DOCK11: variants seen among roughly 807,000 people sequenced by gnomAD.
The protein encoded by DOCK11 is dedicator of cytokinesis protein 11.
DOCK11 carries 70 observed loss-of-function variants against 169.1 expected under a neutral mutation model. The ratio of observed to expected loss-of-function variants is 0.41; its 90% CI spans 0.34 to 0.51. DOCK11 has a LOEUF of 0.51. DOCK11 is among the 20% of genes least tolerant of loss of function. The pLI, the probability that DOCK11 is intolerant of heterozygous loss-of-function variation, is 0.10. For missense variants in DOCK11, 1,166 were observed against 1,538.8 expected, an observed-to-expected ratio of 0.76 and a Z score of 4.05; for synonymous variants, 529 against 541.3, an observed-to-expected ratio of 0.98 and a Z score of 0.32.
intron 30 of DOCK11, among the ~76,000 whole-genome samples, chrX:118,618,191 A>G (rs1436275440): frequency 8.9e-6 from 1 of 112,030 alleles, no homozygotes. Context: ...TTGTGACAAA[A>G]TCTCTTCAGC....
At chrX:118,516,087 C>CTTTTTTTTTTTTTTTTTT (rs1300617761) in intron 1 of DOCK11, among the ~76,000 whole-genome samples, 1 of 63,731 alleles carries the variant, frequency 1.6e-5, no homozygotes, top group African/African-American at 7.1e-5. Flanking sequence ...CTTTTCTTTT[C>CTTTTTTTTTTTTTTTTTT]TTTTTCTTTT....
chrX:118,590,170 C>A (rs773942944), intron 18 of DOCK11, 40 bp from the exon 19 acceptor site: 5 of 1,104,849 alleles, frequency 4.5e-6, no homozygotes, highest in East Asian at 3.0e-5. Context: ...CATTTACAGA[C>A]CTGCATTTAG....
Position 118,673,390 on chromosome X carries a change from T to G in DOCK11, c.5199+2245T>G, listed in dbSNP as rs1252259352. Among the ~76,000 whole-genome samples the G allele has an allele frequency of 2.7e-5, 3 of 111,335 alleles. No individual in the cohort carries two copies. In the Admixed American group the frequency reaches 2.9e-4, roughly 11 times the overall value. On this transcript the variant is annotated intron_variant, in intron 46 of 52. Transcript: ENST00000276202. ...GGGAGACTGAGGTAGGAGGATTGCT[T>G]AAGTCCAGGAGATTGAGGCTTCAGT...
chrX:118,649,333 T>A (rs1317621147), intron 41 of DOCK11, among the ~76,000 whole-genome samples: 2 of 111,401 alleles, frequency 1.8e-5, no homozygotes, highest in African/African-American at 3.3e-5. Context: ...AGATCTCAAT[T>A]GTTTTATATT....
At chrX:118,544,827 AT>A (rs746896166) in intron 4 of DOCK11, among the ~76,000 whole-genome samples, 2,658 of 93,155 alleles carry the variant, frequency 0.029, 58 homozygotes, top group Admixed American at 0.071. Flanking sequence ...CCCCCAGTTA[AT>A]TTTTTTTTTT....
At chrX:118,527,506 C>T (rs2011404905) in intron 1 of DOCK11, among the ~76,000 whole-genome samples, 1 of 111,740 alleles carries the variant, frequency 8.9e-6, no homozygotes, top group Admixed American at 9.5e-5. Context: ...TTACTGGGAA[C>T]ACCGTAACTG....
At chrX:118,620,755 C>T (rs2014951607) in intron 31 of DOCK11, among the ~76,000 whole-genome samples, 1 of 112,359 alleles carries the variant, frequency 8.9e-6, no homozygotes, top group Non-Finnish European at 1.9e-5. Context: ...TCGCTGGGTT[C>T]TGGCTAACTA....
In DOCK11 at chrX:118,619,822, C is replaced by CTT. The variant is rs746842017; in HGVS notation, c.3471+1106_3471+1107dup. Among the ~76,000 whole-genome samples the CTT allele has an allele frequency of 2.7e-3, 272 of 100,135 alleles. 4 individuals carry two copies. The highest frequency in any genetic ancestry group is 0.02 in the Admixed American group (181 of 9,168). The allele number at this position is 100,135 out of a possible 115,157, so 87.0% of individuals were successfully genotyped here. On this transcript the variant is annotated intron_variant, in intron 31 of 52. Transcript: ENST00000276202. ...TTACTGCACTAATTTTGTTTTCTTTCTTTTTTTTTTTTTGAGATGGAGTCT... is the reference window on the plus strand; with the variant it reads ...TTACTGCACTAATTTTGTTTTCTTTCTTTTTTTTTTTTTTTGAGATGGAGTCT...
At chrX:118,548,602 T>G (rs745696494) in intron 6 of DOCK11, among the ~76,000 whole-genome samples, 12 of 110,936 alleles carry the variant, frequency 1.1e-4, no homozygotes, top group Admixed American at 5.8e-4. Context: ...GATGCTGTCT[T>G]GCTGGCTTTG....
chrX:118,582,411 G>A (rs1393910273), intron 14 of DOCK11, among the ~76,000 whole-genome samples: 2 of 111,592 alleles, frequency 1.8e-5, no homozygotes, highest in Admixed American at 9.6e-5. Context: ...GCTTGATGCC[G>A]TTTTACCAGT....
intron 6 of DOCK11, among the ~76,000 whole-genome samples, chrX:118,547,640 C>G (rs938336074): frequency 8.9e-6 from 1 of 112,158 alleles, no homozygotes; most frequent in Non-Finnish European, 1.9e-5. Flanking sequence ...ATAATTAACC[C>G]AAGGTCCCAC....
rs192658711 is a variant in DOCK11 at position 118,499,591 on chromosome X, C to G, written c.102+3518C>G. 6.1e-3 allele frequency among the ~76,000 whole-genome samples: 685 copies of G among 111,931 alleles called. 5 individuals are homozygous for G. The highest frequency in any genetic ancestry group is 0.015 in the African/African-American group (457 of 30,796). ...GTTTGCATTTAGAGAAGCGCTGAAA[C>G]GGAACCACTCCTCTGCTCCCTCTTC... is the stretch of plus-strand genomic sequence containing the variant. On this transcript the variant is annotated intron_variant, in intron 1 of 52. Transcript: ENST00000276202.
At chrX:118,595,622 T>A (rs1159960500) in intron 20 of DOCK11, among the ~76,000 whole-genome samples, 2 of 112,131 alleles carry the variant, frequency 1.8e-5, no homozygotes, top group Admixed American at 9.4e-5. Flanking sequence ...AAATTACTGA[T>A]TCATTATCCA....
intron 34 of DOCK11, among the ~76,000 whole-genome samples, chrX:118,629,475 T>C (rs2015182882): frequency 9.0e-6 from 1 of 111,462 alleles, no homozygotes; most frequent in South Asian, 3.8e-4. Context: ...ATTATTGTTA[T>C]TCTATTCATA....
intron 11 of DOCK11, 145 bp from the exon 12 acceptor site, chrX:118,573,661 T>C (rs2147392990): frequency 4.2e-6 from 2 of 471,910 alleles, no homozygotes; most frequent in East Asian, 6.9e-5. Context: ...TAAGCCATAA[T>C]ATAATTTTAG....
chrX:118,558,903 A>G (rs1463306486), intron 6 of DOCK11, among the ~76,000 whole-genome samples: 1 of 112,120 alleles, frequency 8.9e-6, no homozygotes, highest in African/African-American at 3.2e-5. Context: ...TCATCATTTT[A>G]CAAGTGAGTA....
chrX:118,608,968 A>G (rs1286382444), intron 26 of DOCK11, among the ~76,000 whole-genome samples: 1 of 111,600 alleles, frequency 9.0e-6, no homozygotes, highest in Non-Finnish European at 1.9e-5. Flanking sequence ...TAAAAGCGGT[A>G]ACAAGATAAA....
intron 6 of DOCK11, among the ~76,000 whole-genome samples, chrX:118,558,611 A>G (rs1444578011): frequency 1.8e-5 from 2 of 112,280 alleles, no homozygotes; most frequent in African/African-American, 6.5e-5. Flanking sequence ...TTTGCAAAAG[A>G]TATCTTAAAA....
At chrX:118,641,852 A>G (rs1377078304) in intron 39 of DOCK11, among the ~76,000 whole-genome samples, 1 of 111,452 alleles carries the variant, frequency 9.0e-6, no homozygotes, top group Non-Finnish European at 1.9e-5. Flanking sequence ...GAAAAGTAAA[A>G]ACGGTGTGAC....
Sources: allele counts gnomAD v4.1 joint callset (sites outside exome capture counted in the v4.1 genomes callset), GRCh38; gene constraint gnomAD v4.1.1; transcripts MANE v1.5; gene names NCBI Gene and HGNC (gene_info 2026-07-23, HGNC 2026-07-21).